IL1RL1: variants seen among roughly 807,000 people sequenced by gnomAD.
IL1RL1 encodes interleukin-1 receptor-like 1.
Under a neutral mutation model 50.9 loss-of-function variants are expected in IL1RL1, and 32 were observed. The ratio of observed to expected loss-of-function variants is 0.63; its 90% confidence interval spans 0.47 to 0.84. The LOEUF (loss-of-function observed/expected upper bound fraction) is 0.84. Ranked by LOEUF, IL1RL1 falls within the 40% of genes least tolerant of loss-of-function variation. IL1RL1 has a pLI of 0.00. For missense variants in IL1RL1, 773 were observed against 662.9 expected (o/e 1.17, Z -1.82); for synonymous variants, 275 against 236.0 (o/e 1.17, Z -1.51).
In IL1RL1 at chr2:102,339,998, G is replaced by A. The variant is rs1043212323; in HGVS notation, c.273-100G>A. ...AAAATAACCATTATGTATATTGATG[G>A]TTTTTAAGAAGAAAAGCAATATTAA... On this transcript the variant is annotated intron_variant, in intron 3 of 10. Transcript: ENST00000233954. The A allele has an allele frequency of 3.8e-5, 22 of 579,390 alleles. No homozygotes were observed. In the Admixed American group the frequency reaches 4.8e-4, roughly 13 times the overall value. 35.9% of individuals were successfully genotyped at this position (579,390 alleles called of 1,614,324 possible).
intron 8 of IL1RL1, chr2:102,344,688 A>C: frequency 2.3e-6 from 2 of 858,724 alleles, no homozygotes; most frequent in Non-Finnish European, 2.8e-6. Flanking sequence ...GCTCAGCTAA[A>C]TATTTGTTGA....
At chr2:102,346,099 T>A (rs1220036293) in intron 8 of IL1RL1, 1 of 948,858 alleles carries the variant, frequency 1.1e-6, no homozygotes, top group Non-Finnish European at 1.3e-6. Context: ...TTACTACTGC[T>A]ATTGAGTTGT....
At chr2:102,350,760 G>T (rs951332861) in intron 10 of IL1RL1, among the ~76,000 whole-genome samples, 11 of 81,118 alleles carry the variant, frequency 1.4e-4, no homozygotes, top group Non-Finnish European at 2.5e-4. Flanking sequence ...GGCTTCTGGA[G>T]CAGCTGTGCT....
chr2:102,319,149 A>G (rs972199740), intron 1 of IL1RL1, among the ~76,000 whole-genome samples: 4 of 152,202 alleles, frequency 2.6e-5, no homozygotes, highest in African/African-American at 9.7e-5. Context: ...AACTTATTGC[A>G]ATGTGTTTGG....
At chr2:102,330,727 A>C (rs1419921154) in intron 1 of IL1RL1, among the ~76,000 whole-genome samples, 1 of 152,182 alleles carries the variant, frequency 6.6e-6, no homozygotes, top group African/African-American at 2.4e-5. Context: ...GCAAATTATG[A>C]GTATTTTGTC....
chr2:102,325,026 G>A (rs910098264), intron 1 of IL1RL1, among the ~76,000 whole-genome samples: 34 of 152,184 alleles, frequency 2.2e-4, no homozygotes, highest in African/African-American at 8.0e-4. Flanking sequence ...CACGCAGCTG[G>A]AGATCTGAGA....
chr2:102,347,430 G>T (rs554562146), intron 8 of IL1RL1, among the ~76,000 whole-genome samples: 3 of 152,300 alleles, frequency 2.0e-5, no homozygotes, highest in Admixed American at 1.3e-4. Flanking sequence ...GACAGAACCT[G>T]GCCCTGACCA....
At chr2:102,335,353 T>C (rs1473700403) in intron 1 of IL1RL1, among the ~76,000 whole-genome samples, 1 of 151,086 alleles carries the variant, frequency 6.6e-6, no homozygotes, top group African/African-American at 2.4e-5. Context: ...ATCTCTGGTA[T>C]AGAGAATGTT....
At chr2:102,329,930 G>C (rs1024179120) in intron 1 of IL1RL1, among the ~76,000 whole-genome samples, 23 of 152,198 alleles carry the variant, frequency 1.5e-4, no homozygotes, top group African/African-American at 5.5e-4. Context: ...AGTCAGTGTG[G>C]CGATTCCTCA....
At chr2:102,321,756 GA>G (rs1434648396) in intron 1 of IL1RL1, among the ~76,000 whole-genome samples, 3 of 152,148 alleles carry the variant, frequency 2.0e-5, no homozygotes, top group African/African-American at 2.4e-5. Flanking sequence ...GGAAATTGTA[GA>G]AAACACAAGT....
In IL1RL1 at chr2:102,351,577, C is replaced by A. The variant is rs145147690; in HGVS notation, c.1327C>A (p.Arg443=). 3 of 1,613,956 alleles carry A rather than the reference C, an allele frequency of 1.9e-6. No homozygotes were observed. The highest frequency in any genetic ancestry group is 1.1e-5 in the South Asian group (1 of 91,072). The change falls in exon 11 of 11, where the codon CGG becomes AGG. Residue 443 remains arginine, a synonymous_variant. Coordinates refer to ENST00000233954, the MANE Select transcript of IL1RL1 (RefSeq NM_016232.5). ...AVETNIRKSR[R]HIFILTPQIT... ...GGAAACCAACATACGAAAGAGCAGGCGGCACATTTTCATCCTGACCCCTCA... is the reference window on the plus strand; with the variant it reads ...GGAAACCAACATACGAAAGAGCAGGAGGCACATTTTCATCCTGACCCCTCA...
chr2:102,347,041 A>G (rs907802632), intron 8 of IL1RL1, among the ~76,000 whole-genome samples: 12 of 152,336 alleles, frequency 7.9e-5, no homozygotes, highest in Admixed American at 7.8e-4. Context: ...TATGAGTAGG[A>G]CCTAGAACTT....
intron 8 of IL1RL1, among the ~76,000 whole-genome samples, chr2:102,347,605 C>G (rs971527889): frequency 2.0e-5 from 3 of 152,212 alleles, no homozygotes; most frequent in African/African-American, 7.2e-5. Context: ...GAGGCCTCCT[C>G]CTCCTCCAGG....
chr2:102,351,454 A>G, intron 10 of IL1RL1, 82 bp from the exon 11 acceptor site: 1 of 1,264,874 alleles, frequency 7.9e-7, no homozygotes, highest in East Asian at 2.3e-5. Context: ...AGATTATAAC[A>G]ATAAGACTTT....
intron 1 of IL1RL1, among the ~76,000 whole-genome samples, chr2:102,313,832 T>C (rs1248494322): frequency 1.3e-5 from 2 of 152,164 alleles, no homozygotes; most frequent in Non-Finnish European, 2.9e-5. Flanking sequence ...TGCACGAGTG[T>C]GTGTGTGTGC....
intron 1 of IL1RL1, among the ~76,000 whole-genome samples, chr2:102,329,320 C>T (rs1192849649): frequency 8.5e-5 from 13 of 152,158 alleles, no homozygotes; most frequent in Non-Finnish European, 1.8e-4. Context: ...CTTCCTTACA[C>T]CTTATACAAA....
At chr2:102,311,646 T>G (rs1429566139) in intron 1 of IL1RL1, 23 bp downstream of exon 1, 2 of 148,330 alleles carry the variant, frequency 1.3e-5, no homozygotes, top group African/African-American at 2.5e-5. Context: ...GGGGTATTTT[T>G]CAAAAATACT....
intron 8 of IL1RL1, chr2:102,344,814 G>A (rs1280767237): frequency 3.2e-6 from 3 of 939,012 alleles, no homozygotes; most frequent in African/African-American, 3.6e-5. Flanking sequence ...TTATATTTAT[G>A]TTTGGTAAAT....
At chr2:102,313,425 T>C (rs1309330745) in intron 1 of IL1RL1, 4 of 152,172 alleles carry the variant, frequency 2.6e-5, no homozygotes, top group Non-Finnish European at 5.9e-5. Context: ...TGTTCTTGAA[T>C]GCGTTGTTTA....
Sources: allele counts gnomAD v4.1 joint callset (sites outside exome capture counted in the v4.1 genomes callset), GRCh38; gene constraint gnomAD v4.1.1; transcripts MANE v1.5; gene names NCBI Gene and HGNC (gene_info 2026-07-23, HGNC 2026-07-21).